PRR29: variants seen among roughly 807,000 people sequenced by gnomAD.
PRR29 encodes the protein proline-rich protein 29.
A neutral mutation model predicts 25.1 loss-of-function variants in PRR29; 20 were observed. The observed-to-expected ratio is 0.80, with a 90% CI of 0.56 to 1.16. The LOEUF (loss-of-function observed/expected upper bound fraction) is 1.16, where lower values mean the gene tolerates loss of function less well. PRR29 is among the 50% of genes most tolerant of loss of function. The pLI is 0.00. For synonymous variants in PRR29, 108 were observed against 102.6 expected, an observed-to-expected ratio of 1.05 and a Z score of -0.32; for missense variants, 238 against 246.6, an observed-to-expected ratio of 0.97 and a Z score of 0.23.
At position 63,998,797 on chromosome 17, in the gene PRR29, T is replaced by TGGG; in HGVS notation, c.136+15_136+16insGGG. On this transcript the variant is annotated intron_variant, in intron 2 of 5. Coordinates refer to ENST00000412177, the MANE Select transcript of PRR29 (RefSeq NM_001164257.2). ...CGTGAAGGAAGGTGAGACTCCCGGG[T>TGGG]CCCCCCACCCCACCCCCACCATCAC... is the stretch of plus-strand genomic sequence containing the variant. 207 of 1,061,776 alleles carry TGGG rather than the reference T, an allele frequency of 1.9e-4. No individual in the cohort carries two copies. Among genetic ancestry groups the TGGG allele is most frequent in the Non-Finnish European group, 2.6e-4 (195 of 760,958 alleles). The allele number at this position is 1,061,776 out of a possible 1,614,324, so 65.8% of individuals were successfully genotyped here. A position where few individuals can be genotyped will look rare whatever the true frequency, so the allele number is the denominator to read the frequency against.
chr17:64,001,575 G>T (rs981533945), intron 5 of PRR29, 38 bp downstream of exon 5: 2 of 1,493,598 alleles, frequency 1.3e-6, no homozygotes, highest in African/African-American at 2.8e-5. Context: ...CCCAGGCCTG[G>T]GAGTGAATCA....
intron 3 of PRR29, chr17:64,000,844 T>G (rs1260748525): frequency 8.7e-6 from 4 of 461,258 alleles, no homozygotes; most frequent in Non-Finnish European, 1.6e-5. Flanking sequence ...TTTTTGGTAT[T>G]TTTAGTAGAG....
chr17:63,998,696 C>T lies in PRR29; in HGVS notation c.61-11C>T. 3 of 1,508,314 alleles carry T rather than the reference C, an allele frequency of 2.0e-6. No homozygotes were observed. The highest frequency in any genetic ancestry group is 2.7e-6 in the Non-Finnish European group (3 of 1,126,528). The allele number at this position is 1,508,314 out of a possible 1,614,324, so 93.4% of individuals were successfully genotyped here. On this transcript the variant is annotated splice_polypyrimidine_tract_variant and intron_variant, in intron 1 of 5. Transcript: ENST00000412177. ...CCCACCCCACCTGGCTGACTCCGCG[C>T]ACACCCCCAGCCCTGGGTCACCTTC...
chr17:63,998,605 C>T (rs913584727), intron 1 of PRR29, 102 bp from the exon 2 acceptor site: 3 of 1,037,688 alleles, frequency 2.9e-6, no homozygotes, highest in Middle Eastern at 2.7e-4. Context: ...GAACCTGGCC[C>T]CTGCGGGGTT....
Position 64,001,508 on chromosome 17 carries a change from C to A in PRR29, c.512C>A (p.Thr171Asn). 1 of 1,515,054 alleles carries A rather than the reference C, an allele frequency of 6.6e-7. No individual in the cohort carries two copies. Among genetic ancestry groups the A allele is most frequent in the Non-Finnish European group, 8.8e-7 (1 of 1,136,896 alleles). The allele number at this position is 1,515,054 out of a possible 1,614,324, so 93.9% of individuals were successfully genotyped here. The change falls in exon 5 of 6, where the codon ACT becomes AAT. Residue 171 changes from threonine (T) to asparagine (N), a missense_variant. Coordinates refer to ENST00000412177, the MANE Select transcript of PRR29 (RefSeq NM_001164257.2). ...PPPPPPSATG[T>N]VGADVPPASD... ...CCCCCACCCCCCAGTGCCACAGGGA[C>A]TGTGGGTGCTGATGTACCCCCGGCT... is the stretch of plus-strand genomic sequence containing the variant.
chr17:63,998,797 T>TC lies in PRR29; in HGVS notation c.136+21dup. 1.4e-5 allele frequency: 15 copies of TC among 1,062,586 alleles called. No homozygotes were observed. Among genetic ancestry groups the TC allele is most frequent in the Admixed American group, 1.3e-4 (6 of 44,876 alleles). The allele number at this position is 1,062,586 out of a possible 1,614,324, so 65.8% of individuals were successfully genotyped here. On this transcript the variant is annotated intron_variant, in intron 2 of 5. Coordinates refer to ENST00000412177, the MANE Select transcript of PRR29 (RefSeq NM_001164257.2). Reference sequence around the variant, plus strand: ...CGTGAAGGAAGGTGAGACTCCCGGGTCCCCCCACCCCACCCCCACCATCAC... The same window carrying TC: ...CGTGAAGGAAGGTGAGACTCCCGGGTCCCCCCCACCCCACCCCCACCATCAC...
intron 2 of PRR29, 36 bp downstream of exon 2, chr17:63,998,818 ATC>A: frequency 1.4e-5 from 5 of 347,112 alleles, no homozygotes; most frequent in East Asian, 1.0e-4. Flanking sequence ...CACCCCCACC[ATC>A]ACCACCACTC....
rs760322416 is a variant in PRR29, at chr17:64,001,457, C to T, written c.471-10C>T. The T allele has an allele frequency of 1.3e-6, 2 of 1,498,854 alleles. No individual in the cohort carries two copies. Among genetic ancestry groups the T allele is most frequent in the South Asian group, 1.3e-5 (1 of 78,672 alleles). The allele number at this position is 1,498,854 out of a possible 1,614,324, so 92.8% of individuals were successfully genotyped here. A position where few individuals can be genotyped will look rare whatever the true frequency, so the allele number is the denominator to read the frequency against. On this transcript the variant is annotated splice_polypyrimidine_tract_variant and intron_variant, in intron 4 of 5. Transcript: ENST00000412177. ...CTCTGATGGGGGTCTTTTTCTTTCCCCCATCTCAGGAGAGCTGTGCCCCCA... is the reference window on the plus strand; with the variant it reads ...CTCTGATGGGGGTCTTTTTCTTTCCTCCATCTCAGGAGAGCTGTGCCCCCA...
Position 63,998,693 on chromosome 17 carries a change from G to C in PRR29, c.61-14G>C. On this transcript the variant is annotated splice_polypyrimidine_tract_variant and intron_variant, in intron 1 of 5. Coordinates refer to ENST00000412177, the MANE Select transcript of PRR29 (RefSeq NM_001164257.2). ...CCCCCCACCCCACCTGGCTGACTCC[G>C]CGCACACCCCCAGCCCTGGGTCACC... The C allele has an allele frequency of 1.4e-6, 2 of 1,469,174 alleles. No homozygotes were observed. Among genetic ancestry groups the C allele is most frequent in the Admixed American group, 2.2e-5 (1 of 45,244 alleles). 91.0% of individuals were successfully genotyped at this position (1,469,174 alleles called of 1,614,324 possible).
In PRR29 at chr17:63,998,487, T is replaced by G. The variant is rs571377849; in HGVS notation, c.60+63T>G. On this transcript the variant is annotated intron_variant, in intron 1 of 5. Transcript: ENST00000412177. ...TGGGAGACGGCAGAGTGGGGAGCTG[T>G]CCCTGGAGGGGCCAGATCCTGGAGG... 10,860 of 1,422,026 alleles carry G rather than the reference T, an allele frequency of 7.6e-3. 66 individuals are homozygous for G. The highest frequency in any genetic ancestry group is 9.3e-3 in the Non-Finnish European group (10,044 of 1,081,094). The allele number at this position is 1,422,026 out of a possible 1,614,324, so 88.1% of individuals were successfully genotyped here.
At position 63,999,047 on chromosome 17, in the gene PRR29, G is replaced by GC; in HGVS notation, c.220dup (p.Arg74ProfsTer19). 1.3e-6 allele frequency: 2 copies of GC among 1,535,898 alleles called. No homozygotes were observed. The highest frequency in any genetic ancestry group is 1.7e-6 in the Non-Finnish European group (2 of 1,146,750). ...GTCGCCTGGTGGCTGGAGCGCTGCA[G>GC]CCCCGGCCTGCCTCGCCCTGCCCTC... On this transcript the variant is annotated frameshift_variant, in exon 3 of 6. Coordinates refer to ENST00000412177, the MANE Select transcript of PRR29 (RefSeq NM_001164257.2). LOFTEE classifies it high-confidence loss of function.
chr17:63,998,630 C>A (rs1258920659), intron 1 of PRR29, 77 bp from the exon 2 acceptor site: 2 of 1,013,276 alleles, frequency 2.0e-6, no homozygotes, highest in Non-Finnish European at 2.8e-6. Context: ...AGGCCACTGG[C>A]CGGGGGGGTT....
At chr17:63,998,650 G>A in intron 1 of PRR29, 57 bp from the exon 2 acceptor site, 2 of 1,086,394 alleles carry the variant, frequency 1.8e-6, no homozygotes, top group East Asian at 2.6e-5. Flanking sequence ...TGGGGCTCGC[G>A]ACGTGTCCCC....
In PRR29 at chr17:63,998,802, C is replaced by CCCCCCCCCCCCCCCCCT; in HGVS notation, c.136+21_136+22insCCCCCCCCCCCCCCCTC. ...AGGAAGGTGAGACTCCCGGGTCCCC[C>CCCCCCCCCCCCCCCCCT]CACCCCACCCCCACCATCACCACCA... is the stretch of plus-strand genomic sequence containing the variant. On this transcript the variant is annotated intron_variant, in intron 2 of 5. Transcript: ENST00000412177. The CCCCCCCCCCCCCCCCCT allele has an allele frequency of 8.4e-7, 1 of 1,193,080 alleles. No individual in the cohort carries two copies. Among genetic ancestry groups the CCCCCCCCCCCCCCCCCT allele is most frequent in the Non-Finnish European group, 1.2e-6 (1 of 835,174 alleles). The allele number at this position is 1,193,080 out of a possible 1,614,324, so 73.9% of individuals were successfully genotyped here.
chr17:64,003,176 TGTC>T lies in PRR29; in HGVS notation c.*1416_*1418del, dbSNP rs1238744100. ...GTGGCTGTGAGGGCAGATGTCCCCT[TGTC>T]AGCAGCCATGGGACCAGTGTGTAGC... On this transcript the variant is annotated 3_prime_UTR_variant, in exon 6 of 6. Coordinates refer to ENST00000412177, the MANE Select transcript of PRR29 (RefSeq NM_001164257.2). 1 of 515,766 alleles carries T rather than the reference TGTC, an allele frequency of 1.9e-6. No individual in the cohort carries two copies. The highest frequency in any genetic ancestry group is 1.9e-5 in the African/African-American group (1 of 52,330). The allele number at this position is 515,766 out of a possible 1,614,324, so 31.9% of individuals were successfully genotyped here.
Position 64,002,041 on chromosome 17 carries a change from T to C in PRR29, c.*280T>C, listed in dbSNP as rs9894128. The C allele has an allele frequency of 1.2e-3, 1,841 of 1,494,726 alleles. 27 individuals carry two copies. The African/African-American group carries it at 0.021, about 17-fold the overall frequency. The allele number at this position is 1,494,726 out of a possible 1,614,324, so 92.6% of individuals were successfully genotyped here. Reference sequence around the variant, plus strand: ...AGCCCGCCTCTGCCCCACTGCTTCCTGCCTGGAGCAGGGGGAGGCCTGGGA... The same window carrying C: ...AGCCCGCCTCTGCCCCACTGCTTCCCGCCTGGAGCAGGGGGAGGCCTGGGA... On this transcript the variant is annotated 3_prime_UTR_variant, in exon 6 of 6. Coordinates refer to ENST00000412177, the MANE Select transcript of PRR29 (RefSeq NM_001164257.2).
chr17:64,002,987 G>A lies in PRR29; in HGVS notation c.*1226G>A. The stretch of plus-strand genomic sequence containing the variant: ...TGATCCCAGTTACCAGGGACCAAAA[G>A]GGAGTGGAAGTCCACCCCCAACCCA... On this transcript the variant is annotated 3_prime_UTR_variant, in exon 6 of 6. Transcript: ENST00000412177. 3 of 1,512,546 alleles carry A rather than the reference G, an allele frequency of 2.0e-6. No homozygotes were observed. The highest frequency in any genetic ancestry group is 2.7e-6 in the Non-Finnish European group (3 of 1,107,492). The allele number at this position is 1,512,546 out of a possible 1,614,324, so 93.7% of individuals were successfully genotyped here.
In PRR29 at chr17:64,003,312, CA is replaced by C; in HGVS notation, c.*1552del. The C allele has an allele frequency of 2.3e-6, 1 of 430,924 alleles. No individual in the cohort carries two copies. The allele number at this position is 430,924 out of a possible 1,614,324, so 26.7% of individuals were successfully genotyped here. On this transcript the variant is annotated 3_prime_UTR_variant, in exon 6 of 6. Transcript: ENST00000412177. ...TCCCTGTGTGCCGGCCGTCCAGGGT[CA>C]CCAAGCAGCAGAGCTCTGGGGACCT...
Position 63,998,755 on chromosome 17 carries a change from C to A in PRR29, c.109C>A (p.Pro37Thr), listed in dbSNP as rs765294441. Residue 37 changes from proline (P) to threonine (T), a missense_variant, in exon 2 of 6, where the codon CCC becomes ACC. Physicochemically the swap from Pro to Thr is conservative, Grantham distance 38. Coordinates refer to ENST00000412177, the MANE Select transcript of PRR29 (RefSeq NM_001164257.2). Reference protein sequence around the residue: ...QPLSWAVPPAPPQPGRVKEDL... With the variant: ...QPLSWAVPPATPQPGRVKEDL... ...CCTCTCGTGGGCCGTCCCACCTGCG[C>A]CCCCGCAGCCAGGCCGCGTGAAGGA... The A allele has an allele frequency of 2.6e-6, 4 of 1,529,386 alleles. No homozygotes were observed. Among genetic ancestry groups the A allele is most frequent in the South Asian group, 2.4e-5 (2 of 83,590 alleles). The allele number at this position is 1,529,386 out of a possible 1,614,324, so 94.7% of individuals were successfully genotyped here. A position where few individuals can be genotyped will look rare whatever the true frequency, so the allele number is the denominator to read the frequency against.
Sources: gnomAD v4.1 joint callset for allele counts on GRCh38, gnomAD v4.1.1 for gene constraint, MANE v1.5 for transcripts, NCBI Gene and HGNC (gene_info 2026-07-23, HGNC 2026-07-21) for gene names.